OSBPL9: variants seen among roughly 807,000 people sequenced by gnomAD.
OSBPL9 encodes the protein oxysterol binding protein like 9, also known as oxysterol-binding protein-related protein 9.
Under a neutral mutation model 106.6 loss-of-function variants are expected in OSBPL9, and 40 were observed. The observed-to-expected ratio is 0.38, with a 90% CI of 0.29 to 0.49. The LOEUF (loss-of-function observed/expected upper bound fraction) is 0.49. OSBPL9 is among the 20% of genes least tolerant of loss of function. OSBPL9 has a pLI of 0.97. For synonymous variants in OSBPL9, 269 were observed against 295.4 expected (o/e 0.91, Z 0.92); for missense variants, 609 against 887.2 (o/e 0.69, Z 3.98).
chr1:51,598,992 CAAA>C (rs986127011), intron 2 of OSBPL9, among the ~76,000 whole-genome samples: 164 of 66,924 alleles, frequency 2.5e-3, no homozygotes, highest in African/African-American at 8.1e-3. Context: ...GACTCTGTCT[CAAA>C]AAAAAAAAAA....
At chr1:51,592,574 T>C (rs1645282569) in intron 1 of OSBPL9, among the ~76,000 whole-genome samples, 1 of 151,742 alleles carries the variant, frequency 6.6e-6, no homozygotes, top group East Asian at 1.9e-4. Flanking sequence ...TAGACAGTCA[T>C]TGTGTGAGCA....
At chr1:51,580,825 C>T (rs1645215795) in intron 1 of OSBPL9, among the ~76,000 whole-genome samples, 1 of 138,104 alleles carries the variant, frequency 7.2e-6, no homozygotes, top group Non-Finnish European at 1.5e-5. Flanking sequence ...GTAAAAACAT[C>T]CATGATACCT....
the OSBPL9 span, among the ~76,000 whole-genome samples, chr1:51,566,795 C>T: frequency 2.0e-5 from 3 of 152,174 alleles, no homozygotes; most frequent in Non-Finnish European, 2.9e-5. Context: ...TCTGATCTTA[C>T]CTGTCTTTCT....
the OSBPL9 span, among the ~76,000 whole-genome samples, chr1:51,552,884 A>G: frequency 6.6e-6 from 1 of 151,884 alleles, no homozygotes; most frequent in East Asian, 1.9e-4. Context: ...CAGCCTCCCA[A>G]AGTGCTGGGA....
chr1:51,530,960 C>T, the OSBPL9 span, among the ~76,000 whole-genome samples: 6 of 144,884 alleles, frequency 4.1e-5, no homozygotes, highest in East Asian at 2.1e-4. Flanking sequence ...GGTGACAGAG[C>T]GAGACTTTGT....
At position 51,787,663 on chromosome 1, in the gene OSBPL9, T is replaced by C. The variant is rs991638676; in HGVS notation, c.2137-52T>C. The C allele has an allele frequency of 6.9e-6, 11 of 1,599,578 alleles. No individual in the cohort carries two copies. In the African/African-American group the frequency reaches 1.1e-4, roughly 16 times the overall value. On this transcript the variant is annotated intron_variant, in intron 23 of 23. Transcript: ENST00000428468. ...AGCAGATATGAAATAGTAAGTATAT[T>C]ACAGAAGTACAAAGCAAATATGTAA...
At chr1:51,712,005 C>T (rs1179029923) in intron 3 of OSBPL9, among the ~76,000 whole-genome samples, 1 of 152,014 alleles carries the variant, frequency 6.6e-6, no homozygotes, top group African/African-American at 2.4e-5. Context: ...ACTTCCCAGA[C>T]GGGGTGGTGG....
intron 3 of OSBPL9, among the ~76,000 whole-genome samples, chr1:51,681,851 A>C (rs944787704): frequency 1.3e-5 from 2 of 152,210 alleles, no homozygotes; most frequent in African/African-American, 2.4e-5. Context: ...GATTACTTAA[A>C]GTACCTAATA....
chr1:51,543,596 C>T, the OSBPL9 span, among the ~76,000 whole-genome samples: 1 of 152,120 alleles, frequency 6.6e-6, no homozygotes, highest in East Asian at 1.9e-4. Context: ...GGGATTTCAC[C>T]GTGTTAGCCA....
At chr1:51,520,991 A>G in the OSBPL9 span, among the ~76,000 whole-genome samples, 28 of 152,328 alleles carry the variant, frequency 1.8e-4, no homozygotes, top group Non-Finnish European at 3.5e-4. Flanking sequence ...CGGTGTTTCT[A>G]CCGGTGTTTT....
chr1:51,768,239 C>G (rs901244216), intron 12 of OSBPL9, among the ~76,000 whole-genome samples: 25 of 150,352 alleles, frequency 1.7e-4, no homozygotes, highest in Admixed American at 5.9e-4. Context: ...CCGCGCCCAG[C>G]CTTTTTTGAG....
At chr1:51,707,242 G>GT (rs756201850) in intron 3 of OSBPL9, 5 of 298,174 alleles carry the variant, frequency 1.7e-5, no homozygotes, top group Non-Finnish European at 3.5e-5. Context: ...TGGTCATTGA[G>GT]GGCAGTGGTG....
chr1:51,577,324 T>G (rs1645191376), intron 1 of OSBPL9: 1 of 109,268 alleles, frequency 9.2e-6, no homozygotes, highest in Non-Finnish European at 1.7e-5. Flanking sequence ...TTCTTTTCTT[T>G]TTTTTTTTTT....
chr1:51,728,451 C>T (rs895308701), intron 4 of OSBPL9, among the ~76,000 whole-genome samples: 48 of 152,072 alleles, frequency 3.2e-4, no homozygotes, highest in Non-Finnish European at 4.6e-4. Flanking sequence ...CTTGGTGATG[C>T]ACTGAATGTG....
intron 2 of OSBPL9, among the ~76,000 whole-genome samples, chr1:51,656,852 C>T (rs576736380): frequency 4.0e-5 from 6 of 151,106 alleles, no homozygotes; most frequent in East Asian, 1.9e-4. Context: ...TTTTTAGAGA[C>T]GAGGTCTCAC....
chr1:51,652,297 C>G (rs1042822036), intron 2 of OSBPL9, among the ~76,000 whole-genome samples: 2 of 152,172 alleles, frequency 1.3e-5, no homozygotes, highest in Admixed American at 6.5e-5. Flanking sequence ...TCTTAAACCT[C>G]TACTTTACAG....
chr1:51,781,713 AT>A (rs1203577474), intron 16 of OSBPL9: 1 of 178,786 alleles, frequency 5.6e-6, no homozygotes, highest in East Asian at 1.3e-4. Context: ...AGACATGGTG[AT>A]TCAAGCTTTA....
At chr1:51,662,654 C>G (rs1350494337) in intron 2 of OSBPL9, among the ~76,000 whole-genome samples, 1 of 151,132 alleles carries the variant, frequency 6.6e-6, no homozygotes, top group African/African-American at 2.4e-5. Context: ...ATGGAAAATC[C>G]AAAAGAATCT....
chr1:51,658,471 A>C (rs1646950222), intron 2 of OSBPL9, among the ~76,000 whole-genome samples: 1 of 152,180 alleles, frequency 6.6e-6, no homozygotes, highest in African/African-American at 2.4e-5. Flanking sequence ...GAATTATATT[A>C]AACAAAGTTT....
Sources: allele counts gnomAD v4.1 joint callset (sites outside exome capture counted in the v4.1 genomes callset), GRCh38; gene constraint gnomAD v4.1.1; transcripts MANE v1.5; gene names NCBI Gene and HGNC (gene_info 2026-07-23, HGNC 2026-07-21).